The following CD3D variants were observed in gnomAD, a reference collection of about 807,000 sequenced individuals.
The protein encoded by CD3D is T-cell surface glycoprotein CD3 delta chain.
A neutral mutation model predicts 22.0 loss-of-function variants in CD3D; 22 were observed. The observed-to-expected ratio is 1.00, with a 90% CI of 0.71 to 1.43. The LOEUF is 1.43. Ranked by LOEUF, CD3D falls within the 40% of genes most tolerant of loss-of-function variation. CD3D has a pLI of 0.00. For missense variants in CD3D, 205 were observed against 211.7 expected (o/e 0.97, Z 0.20); for synonymous variants, 74 against 81.2 (o/e 0.91, Z 0.48).
At chr11:118,341,064 T>G (rs762823870) in intron 1 of CD3D, 2 of 418,256 alleles carry the variant, frequency 4.8e-6, no homozygotes, top group Non-Finnish European at 9.7e-6. Flanking sequence ...TCATCCTTCC[T>G]CATTGCCCCT....
At position 118,340,518 on chromosome 11, in the gene CD3D, A is replaced by G; in HGVS notation, c.131T>C (p.Val44Ala). The change falls in exon 2 of 5, where the codon GTA (valine) becomes GCA (alanine). Residue 44 changes from valine (V) to alanine (A), a missense_variant. Coordinates refer to ENST00000300692, the MANE Select transcript of CD3D (RefSeq NM_000732.6). The stretch of plus-strand genomic sequence containing the variant: ...GAGCAGTGTTCCCACCGTTCCCTCT[A>G]CCCATGTGATGCTGGTATTGCAATT... ...FVNCNTSITW[V>A]EGTVGTLLSD... 6.2e-7 allele frequency: 1 copy of G among 1,613,950 alleles called. No homozygotes were observed. The highest frequency in any genetic ancestry group is 8.5e-7 in the Non-Finnish European group (1 of 1,179,970).
rs1948285269 is a variant in CD3D at position 118,339,919 on chromosome 11, G to A, written c.275-13C>T. The A allele has an allele frequency of 1.9e-6, 3 of 1,613,958 alleles. No homozygotes were observed. The highest frequency in any genetic ancestry group is 2.5e-6 in the Non-Finnish European group (3 of 1,179,976). ...CAGCTCTGGCACACTGTGGGGGAAG[G>A]GAGGAGAGAGGAGAGGTTGAGAGCC... On this transcript the variant is annotated splice_polypyrimidine_tract_variant and intron_variant, in intron 2 of 4. Coordinates refer to ENST00000300692, the MANE Select transcript of CD3D (RefSeq NM_000732.6).
In CD3D at chr11:118,342,545, A is replaced by C. The variant is rs1349143438; in HGVS notation, c.55+8T>G. ...GTCCCTTCCCCCACCCACCTGGAGTAGCCTTACCTTGCGAGAGAAGGGTAG... is the reference window on the plus strand; with the variant it reads ...GTCCCTTCCCCCACCCACCTGGAGTCGCCTTACCTTGCGAGAGAAGGGTAG... On this transcript the variant is annotated splice_region_variant and intron_variant, in intron 1 of 4. Transcript: ENST00000300692. The C allele has an allele frequency of 4.3e-6, 7 of 1,613,098 alleles. No homozygotes were observed. The African/African-American group carries it at 9.3e-5, about 22-fold the overall frequency.
rs1948288463 is a variant in CD3D, at chr11:118,340,384, G to A, written c.265C>T (p.His89Tyr). ...YKDKESTVQV[H>Y]YRMCQSCVEL... is the part of the protein sequence containing the mutation. ...TTCAGGAAGCACGTACTTCGATAAT[G>A]AACTTGCACGGTAGATTCTTTGTCC... Residue 89 changes from histidine to tyrosine, a missense_variant, in exon 2 of 5, where the codon CAT (histidine) becomes TAT (tyrosine). Coordinates refer to ENST00000300692, the MANE Select transcript of CD3D (RefSeq NM_000732.6). The A allele has an allele frequency of 2.5e-6, 4 of 1,613,198 alleles. No individual in the cohort carries two copies. The highest frequency in any genetic ancestry group is 1.1e-5 in the South Asian group (1 of 91,056).
At chr11:118,339,955 G>T in intron 2 of CD3D, 49 bp from the exon 3 acceptor site, 1 of 1,612,478 alleles carries the variant, frequency 6.2e-7, no homozygotes, top group South Asian at 1.1e-5. Flanking sequence ...TTTAAGATCA[G>T]GGAACCATCC....
rs2298822 is a variant in CD3D at position 118,340,719 on chromosome 11, A to G, written c.56-126T>C. 17 of 752,668 alleles carry G rather than the reference A, an allele frequency of 2.3e-5. No homozygotes were observed. The East Asian group carries it at 4.5e-4, about 20-fold the overall frequency. The allele number at this position is 752,668 out of a possible 1,614,324, so 46.6% of individuals were successfully genotyped here. ...CCAGGACAGTTTATGGCTTCCATCA[A>G]GAGAGACAGAAGTCACAAGAAAAAG... On this transcript the variant is annotated intron_variant, in intron 1 of 4. Coordinates refer to ENST00000300692, the MANE Select transcript of CD3D (RefSeq NM_000732.6).
intron 1 of CD3D, 25 bp from the exon 2 acceptor site, chr11:118,340,618 T>C: frequency 1.3e-6 from 2 of 1,511,152 alleles, no homozygotes; most frequent in Non-Finnish European, 1.8e-6. Flanking sequence ...ATATCACAGT[T>C]GGAGACAGCT....
chr11:118,340,640 A>C (rs1948292264), intron 1 of CD3D, 47 bp from the exon 2 acceptor site: 1 of 1,352,440 alleles, frequency 7.4e-7, no homozygotes, highest in Non-Finnish European at 1.1e-6. Context: ...TTTGATCTGC[A>C]CCAAGCCCTT....
At position 118,339,491 on chromosome 11, in the gene CD3D, G is replaced by A. The variant is rs1431136635; in HGVS notation, c.410C>T (p.Ala137Val). 1 of 1,613,976 alleles carries A rather than the reference G, an allele frequency of 6.2e-7. No individual in the cohort carries two copies. Among genetic ancestry groups the A allele is most frequent in the African/African-American group, 1.3e-5 (1 of 74,864 alleles). Residue 137 changes from alanine to valine, a missense_variant, in exon 4 of 5, where the codon GCC (alanine) becomes GTC (valine). Coordinates refer to ENST00000300692, the MANE Select transcript of CD3D (RefSeq NM_000732.6). The part of the protein sequence containing the change: ...GHETGRLSGA[A>V]DTQALLRNDQ... Reference sequence around the variant, plus strand: ...ATTCCTCAACAGAGCTTGTGTGTCGGCAGCTAGAAGAACCAGAGAGAGACA... The same window carrying A: ...ATTCCTCAACAGAGCTTGTGTGTCGACAGCTAGAAGAACCAGAGAGAGACA...
In CD3D at chr11:118,339,709, T is replaced by TAC. The variant is rs67065773; in HGVS notation, c.406+64_406+65dup. ...CTTAGCTGGTGCATAAGCTCACTGGTACACACACACACACACACACACACA... is the reference window on the plus strand; with the variant it reads ...CTTAGCTGGTGCATAAGCTCACTGGTACACACACACACACACACACACACACA... On this transcript the variant is annotated intron_variant, in intron 3 of 4. Transcript: ENST00000300692. 84,000 of 1,508,180 alleles carry TAC rather than the reference T, an allele frequency of 0.056. 368 individuals are homozygous for TAC. Among genetic ancestry groups the TAC allele is most frequent in the African/African-American group, 0.13 (9,304 of 70,896 alleles). 93.4% of individuals were successfully genotyped at this position (1,508,180 alleles called of 1,614,324 possible).
chr11:118,340,691 G>T (rs1213599459), intron 1 of CD3D, 98 bp from the exon 2 acceptor site: 5 of 860,088 alleles, frequency 5.8e-6, no homozygotes, highest in Non-Finnish European at 9.7e-6. Context: ...CCATTTTCCT[G>T]GTCCAGGACA....
intron 2 of CD3D, among the ~76,000 whole-genome samples, chr11:118,340,170 A>C (rs1350433662): frequency 2.6e-5 from 4 of 152,182 alleles, no homozygotes; most frequent in African/African-American, 9.7e-5. Flanking sequence ...CCAAGGCTGC[A>C]GTAACATGAC....
chr11:118,340,532 G>A lies in CD3D; in HGVS notation c.117C>T (p.Thr39=), dbSNP rs1948290781. The A allele has an allele frequency of 1.2e-6, 2 of 1,613,880 alleles. No individual in the cohort carries two copies. Among genetic ancestry groups the A allele is most frequent in the African/African-American group, 2.7e-5 (2 of 74,884 alleles). ...CCGTTCCCTCTACCCATGTGATGCT[G>A]GTATTGCAATTCACAAACACTCTGT... ...LEDRVFVNCN[T]SITWVEGTVG... is the part of the protein sequence containing the mutation. Residue 39 remains threonine, a synonymous_variant, in exon 2 of 5, where the codon ACC becomes ACT. Transcript: ENST00000300692.
At chr11:118,341,493 G>A (rs1948299683) in intron 1 of CD3D, among the ~76,000 whole-genome samples, 1 of 152,202 alleles carries the variant, frequency 6.6e-6, no homozygotes, top group Admixed American at 6.5e-5. Context: ...TTGGATACAA[G>A]AGCATCTTCT....
chr11:118,339,254 A>T (rs781522024), intron 4 of CD3D, 27 bp from the exon 5 acceptor site: 1 of 1,604,814 alleles, frequency 6.2e-7, no homozygotes, highest in Non-Finnish European at 8.5e-7. Flanking sequence ...GAAAACGGTC[A>T]GGAGGCAGGG....
intron 1 of CD3D, chr11:118,341,082 T>C (rs7129048): frequency 0.029 from 11,682 of 401,334 alleles, 233 homozygotes; most frequent in Non-Finnish European, 0.037. Context: ...CCTGCTCCAT[T>C]GACAACCAAG....
In CD3D at chr11:118,340,355, A is replaced by C. The variant is rs542784456; in HGVS notation, c.274+20T>G. On this transcript the variant is annotated intron_variant, in intron 2 of 4. Transcript: ENST00000300692. Reference sequence around the variant, plus strand: ...AGAAGCCCTATCCATTCCAACCCAAAGGGTTCAGGAAGCACGTACTTCGAT... The same window carrying C: ...AGAAGCCCTATCCATTCCAACCCAACGGGTTCAGGAAGCACGTACTTCGAT... 3.1e-6 allele frequency: 5 copies of C among 1,593,258 alleles called. No individual in the cohort carries two copies. The African/African-American group carries it at 4.0e-5, about 13-fold the overall frequency.
rs1948279149 is a variant in CD3D, at chr11:118,339,448, C to A, written c.450+3G>T. 1.2e-6 allele frequency: 2 copies of A among 1,614,002 alleles called. No individual in the cohort carries two copies. Among genetic ancestry groups the A allele is most frequent in the East Asian group, 2.2e-5 (1 of 44,872 alleles). ...TTCCTGCCTCCTTCCCCTCAACGCT[C>A]ACCTGATAGACCTGGTCATTCCTCA... On this transcript the variant is annotated splice_donor_region_variant and intron_variant, in intron 4 of 4. Coordinates refer to ENST00000300692, the MANE Select transcript of CD3D (RefSeq NM_000732.6).
At position 118,339,759 on chromosome 11, in the gene CD3D, C is replaced by T; in HGVS notation, c.406+16G>A. 1 of 1,613,472 alleles carries T rather than the reference C, an allele frequency of 6.2e-7. No individual in the cohort carries two copies. The highest frequency in any genetic ancestry group is 8.5e-7 in the Non-Finnish European group (1 of 1,179,902). ...ACACACACAAACACACTCTCATGCT[C>T]TGCTCTTCCACTAACCCCCAGACAG... On this transcript the variant is annotated intron_variant, in intron 3 of 4. Coordinates refer to ENST00000300692, the MANE Select transcript of CD3D (RefSeq NM_000732.6).
Sources: allele counts gnomAD v4.1 joint callset (sites outside exome capture counted in the v4.1 genomes callset), GRCh38; gene constraint gnomAD v4.1.1; transcripts MANE v1.5; gene names NCBI Gene and HGNC (gene_info 2026-07-23, HGNC 2026-07-21).